Variants in IL6R observed in about 807,000 individuals in gnomAD.
IL6R encodes interleukin 6 receptor.
IL6R carries 38 observed loss-of-function variants against 48.3 expected under a neutral mutation model. That is an observed-to-expected ratio of 0.79 (90% CI 0.61 to 1.03). The LOEUF (loss-of-function observed/expected upper bound fraction) is 1.03. Among genes scored for constraint, IL6R ranks in the 50% least tolerant of loss-of-function variants. IL6R has a pLI of 0.00. For missense variants in IL6R, 534 were observed against 618.3 expected, an observed-to-expected ratio of 0.86 and a Z score of 1.45; for synonymous variants, 264 against 256.2, an observed-to-expected ratio of 1.03 and a Z score of -0.29.
At chr1:154,424,816 A>G (rs964817584) in intron 1 of IL6R, among the ~76,000 whole-genome samples, 4 of 151,968 alleles carry the variant, frequency 2.6e-5, no homozygotes, top group African/African-American at 9.7e-5. Flanking sequence ...CACAGACAAA[A>G]CCCCTCAGAC....
chr1:154,455,095 G>A (rs1690797895), intron 9 of IL6R, among the ~76,000 whole-genome samples: 1 of 152,144 alleles, frequency 6.6e-6, no homozygotes, highest in Non-Finnish European at 1.5e-5. Context: ...TCTATTTTTT[G>A]TTGAGATGAG....
chr1:154,435,542 G>A (rs903761978), intron 5 of IL6R, among the ~76,000 whole-genome samples: 13 of 151,708 alleles, frequency 8.6e-5, no homozygotes, highest in African/African-American at 2.4e-4. Flanking sequence ...GTACTAAAAG[G>A]AAAACCATAG....
At chr1:154,460,098 T>C (rs1256197250) in intron 9 of IL6R, among the ~76,000 whole-genome samples, 1 of 152,182 alleles carries the variant, frequency 6.6e-6, no homozygotes, top group Non-Finnish European at 1.5e-5. Flanking sequence ...AGTGAGAGTT[T>C]TGAGCATTTT....
At chr1:154,436,149 A>C (rs774137464) in intron 6 of IL6R, 39 bp downstream of exon 6, 10 of 1,568,196 alleles carry the variant, frequency 6.4e-6, no homozygotes, top group Non-Finnish European at 8.7e-6. Context: ...GGATGTTTCA[A>C]CTGTCATTGC....
At chr1:154,423,499 G>A (rs1312212094) in intron 1 of IL6R, among the ~76,000 whole-genome samples, 1 of 151,764 alleles carries the variant, frequency 6.6e-6, no homozygotes, top group Non-Finnish European at 1.5e-5. Context: ...TCAGAGATTT[G>A]GGTCAGGAGG....
At chr1:154,425,355 C>T (rs944620818) in intron 1 of IL6R, among the ~76,000 whole-genome samples, 5 of 152,142 alleles carry the variant, frequency 3.3e-5, no homozygotes, top group Admixed American at 1.3e-4. Flanking sequence ...TTGATAGCCA[C>T]CCTCTTTGAT....
chr1:154,460,824 C>T (rs547454058), intron 9 of IL6R, among the ~76,000 whole-genome samples: 4 of 152,092 alleles, frequency 2.6e-5, no homozygotes, highest in Non-Finnish European at 5.9e-5. Context: ...CGGAGCTTAG[C>T]GGGTGTTCTC....
chr1:154,407,430 T>G (rs1253664433), intron 1 of IL6R, among the ~76,000 whole-genome samples: 4 of 152,146 alleles, frequency 2.6e-5, no homozygotes, highest in African/African-American at 9.7e-5. Flanking sequence ...GGTGGTCTCA[T>G]GGCCTGAACA....
chr1:154,468,230 CAT>C lies in IL6R; in HGVS notation c.*2851_*2852del, dbSNP rs1163890207. The C allele has an allele frequency of 1.3e-5, 2 of 152,328 alleles. No homozygotes were observed. Among genetic ancestry groups the C allele is most frequent in the East Asian group, 1.9e-4 (1 of 5,186 alleles). The allele number at this position is 152,328 out of a possible 1,614,324, so 9.4% of individuals were successfully genotyped here. A position where few individuals can be genotyped will look rare whatever the true frequency, so the allele number is the denominator to read the frequency against. The stretch of plus-strand genomic sequence containing the variant: ...TGTTCTCTAATCTGTGGTGACTGAA[CAT>C]GTGTCTCAATGCACGGGGCATTTCT... On this transcript the variant is annotated 3_prime_UTR_variant, in exon 10 of 10. Transcript: ENST00000368485.
intron 7 of IL6R, among the ~76,000 whole-genome samples, chr1:154,448,887 T>C (rs1188364719): frequency 2.2e-5 from 3 of 133,694 alleles, no homozygotes; most frequent in East Asian, 2.2e-4. Flanking sequence ...TTTTTTTTTT[T>C]TTTTTTTTTT....
At chr1:154,408,424 A>G (rs1245075174) in intron 1 of IL6R, among the ~76,000 whole-genome samples, 1 of 152,120 alleles carries the variant, frequency 6.6e-6, no homozygotes, top group Non-Finnish European at 1.5e-5. Context: ...GAGCCTGAAA[A>G]TGGTCATGGG....
chr1:154,418,886 C>G (rs567649585), intron 1 of IL6R, among the ~76,000 whole-genome samples: 2 of 152,114 alleles, frequency 1.3e-5, no homozygotes, highest in South Asian at 4.1e-4. Flanking sequence ...GGCGCTGACC[C>G]CCCCTTGTGC....
intron 8 of IL6R, chr1:154,454,135 G>A (rs1308519718): frequency 3.3e-6 from 1 of 306,838 alleles, no homozygotes; most frequent in Non-Finnish European, 6.2e-6. Context: ...TGCCTTGTGG[G>A]AGCAGGTGGA....
chr1:154,441,039 T>A (rs1387042650), intron 6 of IL6R, among the ~76,000 whole-genome samples: 1 of 152,254 alleles, frequency 6.6e-6, no homozygotes, highest in East Asian at 1.9e-4. Flanking sequence ...TATGTGAACC[T>A]AACTCTGGCC....
chr1:154,462,349 A>T (rs1691307019), intron 9 of IL6R, among the ~76,000 whole-genome samples: 1 of 150,544 alleles, frequency 6.6e-6, no homozygotes, highest in African/African-American at 2.4e-5. Flanking sequence ...CTTTCACATT[A>T]GTACAAATTC....
rs961909307 is a variant in IL6R at position 154,405,451 on chromosome 1, G to A, written c.-179G>A. ...GAGGGAGAGGAGCCGAGCGCGGCGC[G>A]GGGCCGAGGGACTCGCAGTGTGTGT... On this transcript the variant is annotated 5_prime_UTR_variant, in exon 1 of 10. Transcript: ENST00000368485. This position sits in a 1 kb window ranked among gnomAD's most constrained non-coding sequence, Gnocchi z 5.2. 1.2e-5 allele frequency: 7 copies of A among 563,954 alleles called. No individual in the cohort carries two copies. Among genetic ancestry groups the A allele is most frequent in the South Asian group, 6.8e-5 (3 of 44,088 alleles). The allele number at this position is 563,954 out of a possible 1,614,324, so 34.9% of individuals were successfully genotyped here.
intron 3 of IL6R, among the ~76,000 whole-genome samples, chr1:154,433,571 C>T (rs924398619): frequency 6.6e-6 from 1 of 152,126 alleles, no homozygotes; most frequent in Non-Finnish European, 1.5e-5. Context: ...AGCACAGGCC[C>T]AGCGGGAGAC....
At chr1:154,451,737 T>C (rs985931588) in intron 8 of IL6R, among the ~76,000 whole-genome samples, 7 of 152,002 alleles carry the variant, frequency 4.6e-5, no homozygotes, top group Non-Finnish European at 8.8e-5. Context: ...GGTTTCTCCA[T>C]GTTAGTCAGG....
chr1:154,414,211 G>A (rs1471461724), intron 1 of IL6R, among the ~76,000 whole-genome samples: 1 of 151,870 alleles, frequency 6.6e-6, no homozygotes. Context: ...TAGCTTCTAG[G>A]TTTTGTGTCA....
Sources: allele counts gnomAD v4.1 joint callset (sites outside exome capture counted in the v4.1 genomes callset), GRCh38; gene constraint gnomAD v4.1.1; non-coding constraint Gnocchi (gnomAD v3.1); transcripts MANE v1.5; gene names NCBI Gene and HGNC (gene_info 2026-07-23, HGNC 2026-07-21).